SCARB2: variants seen among roughly 807,000 people sequenced by gnomAD.
The protein encoded by SCARB2 is lysosome membrane protein 2.
Under a neutral mutation model 58.6 loss-of-function variants are expected in SCARB2, and 29 were observed. That is an observed-to-expected ratio of 0.49 (90% confidence interval 0.37 to 0.67). SCARB2 has a LOEUF of 0.67. Ranked by LOEUF, SCARB2 falls within the 30% of genes least tolerant of loss-of-function variation. The pLI is 0.00. For synonymous variants in SCARB2, 195 were observed against 210.1 expected (o/e 0.93, Z 0.62); for missense variants, 488 against 578.5 (o/e 0.84, Z 1.60).
At chr4:76,173,997 C>G (rs1347846215) in intron 7 of SCARB2, 147 bp downstream of exon 7, 1 of 961,732 alleles carries the variant, frequency 1.0e-6, no homozygotes, top group Non-Finnish European at 1.6e-6. Flanking sequence ...TTGAGAACTC[C>G]TGGGCTCAAG....
intron 2 of SCARB2, among the ~76,000 whole-genome samples, chr4:76,189,275 T>A (rs553251395): frequency 6.6e-6 from 1 of 152,324 alleles, no homozygotes; most frequent in Non-Finnish European, 1.5e-5. Flanking sequence ...ACATATTTAT[T>A]AGTCTGTTCT....
chr4:76,168,298 G>T, intron 9 of SCARB2, 105 bp downstream of exon 9: 2 of 872,106 alleles, frequency 2.3e-6, no homozygotes, highest in Non-Finnish European at 4.0e-6. Flanking sequence ...GGGCAGGGGT[G>T]AGCAGGCTTA....
intron 10 of SCARB2, chr4:76,164,837 G>A (rs1351172386): frequency 6.6e-6 from 1 of 150,912 alleles, no homozygotes; most frequent in East Asian, 1.9e-4. Context: ...TCATTGGACC[G>A]AGTCAGTGGA....
intron 2 of SCARB2, among the ~76,000 whole-genome samples, chr4:76,186,412 A>G (rs1021944241): frequency 6.6e-6 from 1 of 152,102 alleles, no homozygotes; most frequent in Non-Finnish European, 1.5e-5. Context: ...CATCAACGTG[A>G]AAGGAGTACT....
At chr4:76,167,807 G>A (rs757469322) in intron 9 of SCARB2, among the ~76,000 whole-genome samples, 1 of 151,012 alleles carries the variant, frequency 6.6e-6, no homozygotes, top group Non-Finnish European at 1.5e-5. Context: ...TCAGCCTCCC[G>A]AATAGCTGGG....
chr4:76,179,059 T>TTTTTG (rs1732324474), intron 4 of SCARB2: 8 of 107,282 alleles, frequency 7.5e-5, no homozygotes, highest in Admixed American at 3.2e-4. Flanking sequence ...TTTTGTTTTT[T>TTTTTG]TTTTGGCTTT....
intron 10 of SCARB2, 98 bp downstream of exon 10, chr4:76,166,152 C>T: frequency 8.4e-7 from 1 of 1,196,486 alleles, no homozygotes. Context: ...ATCTTTTGCC[C>T]TTCTGTCATA....
At chr4:76,214,535 C>A (rs1560724610), upstream of SCARB2, 7 of 344,414 alleles carry the variant, frequency 2.0e-5, no homozygotes, top group Non-Finnish European at 1.7e-5. Flanking sequence ...GTGTTGAGGC[C>A]CCAAGAGGTC....
At chr4:76,221,150 C>T (rs965401892) in intron 1 of SCARB2, among the ~76,000 whole-genome samples, 11 of 152,180 alleles carry the variant, frequency 7.2e-5, no homozygotes, top group Non-Finnish European at 1.6e-4. Context: ...GGAAGAAAAA[C>T]CCATTGTGGC....
chr4:76,187,404 GC>G (rs1328692724), intron 2 of SCARB2, among the ~76,000 whole-genome samples: 1 of 152,180 alleles, frequency 6.6e-6, no homozygotes, highest in Non-Finnish European at 1.5e-5. Context: ...AACACAACTG[GC>G]TGGCAAACAT....
chr4:76,203,430 T>C (rs1335553621), intron 1 of SCARB2, among the ~76,000 whole-genome samples: 4 of 152,246 alleles, frequency 2.6e-5, no homozygotes, highest in Non-Finnish European at 4.4e-5. Flanking sequence ...ATCCCAATAT[T>C]GGTGTTTAAG....
rs13119254 is a variant in SCARB2 at position 76,173,990 on chromosome 4, A to G, written c.994+154T>C. 0.092 allele frequency: 79,828 copies of G among 867,248 alleles called. 5,161 individuals carry two copies. Among genetic ancestry groups the G allele is most frequent in the East Asian group, 0.23 (9,514 of 41,096 alleles). The allele number at this position is 867,248 out of a possible 1,614,324, so 53.7% of individuals were successfully genotyped here. ...CGCCATGTTGCCCAGGATGGACTTGAGAACTCCTGGGCTCAAGTGATCATC... is the reference window on the plus strand; with the variant it reads ...CGCCATGTTGCCCAGGATGGACTTGGGAACTCCTGGGCTCAAGTGATCATC... On this transcript the variant is annotated intron_variant, in intron 7 of 11. Coordinates refer to ENST00000264896, the MANE Select transcript of SCARB2 (RefSeq NM_005506.4).
At chr4:76,212,548 A>G (rs1036849700) in intron 1 of SCARB2, among the ~76,000 whole-genome samples, 2 of 152,356 alleles carry the variant, frequency 1.3e-5, no homozygotes, top group South Asian at 4.1e-4. Flanking sequence ...GCGTGCAGTT[A>G]TGGATGCTAA....
chr4:76,225,338 C>T (rs1053439806), intron 1 of SCARB2, among the ~76,000 whole-genome samples: 1 of 152,168 alleles, frequency 6.6e-6, no homozygotes, highest in Admixed American at 6.5e-5. Flanking sequence ...ATATCATCAG[C>T]GAACAGTGAC....
chr4:76,176,455 A>C lies in SCARB2; in HGVS notation c.686T>G (p.Val229Gly). The C allele has an allele frequency of 6.2e-7, 1 of 1,611,342 alleles. No individual in the cohort carries two copies. Among genetic ancestry groups the C allele is most frequent in the Non-Finnish European group, 8.5e-7 (1 of 1,178,120 alleles). ...GACTTACGTTTTCCCATTCCATTCC[A>C]CAATTTTTGTAAAGTTAAGGTAACT... Reference protein sequence around the residue: ...EDSYLNFTKIVEWNGKTSLDW... With the variant: ...EDSYLNFTKIGEWNGKTSLDW... The change falls in exon 5 of 12, where the codon GTG (valine) becomes GGG (glycine). Residue 229 changes from valine to glycine, a missense_variant. Coordinates refer to ENST00000264896, the MANE Select transcript of SCARB2 (RefSeq NM_005506.4).
Position 76,169,861 on chromosome 4 carries a change from A to G in SCARB2, c.1113+6T>C. The G allele has an allele frequency of 6.3e-7, 1 of 1,591,754 alleles. No homozygotes were observed. The highest frequency in any genetic ancestry group is 8.6e-7 in the Non-Finnish European group (1 of 1,159,694). On this transcript the variant is annotated splice_donor_region_variant and intron_variant, in intron 8 of 11. Coordinates refer to ENST00000264896, the MANE Select transcript of SCARB2 (RefSeq NM_005506.4). ...GCTCTTTTACCAGGAGGAAGTATGT[A>G]CTCACAGGATTAATGTCCACAAATG...
Position 76,179,059 on chromosome 4 carries a change from T to C in SCARB2, c.612+458A>G, listed in dbSNP as rs201081292. 10 of 107,348 alleles carry C rather than the reference T, an allele frequency of 9.3e-5. No homozygotes were observed. In the East Asian group the frequency reaches 3.3e-3, roughly 36 times the overall value. The allele number at this position is 107,348 out of a possible 1,614,324, so 6.6% of individuals were successfully genotyped here. A position where few individuals can be genotyped will look rare whatever the true frequency, so the allele number is the denominator to read the frequency against. On this transcript the variant is annotated intron_variant, in intron 4 of 11. Coordinates refer to ENST00000264896, the MANE Select transcript of SCARB2 (RefSeq NM_005506.4). ...TGTTTTTGTTTTTGTTTTTGTTTTT[T>C]TTTTGGCTTTTTTAGACAGAGTCTT...
intron 3 of SCARB2, chr4:76,180,002 T>C: frequency 2.4e-6 from 1 of 420,122 alleles, no homozygotes; most frequent in Non-Finnish European, 4.5e-6. Context: ...TGTGGGCATC[T>C]TTGGCCACAA....
intron 4 of SCARB2, 134 bp from the exon 5 acceptor site, chr4:76,176,662 A>G (rs1732257502): frequency 1.5e-6 from 1 of 652,958 alleles, no homozygotes; most frequent in South Asian, 1.8e-5. Flanking sequence ...AGGTGTGATT[A>G]ATATCTACAA....
Sources: gnomAD v4.1 joint callset for allele counts (sites outside exome capture counted in the v4.1 genomes callset) on GRCh38, gnomAD v4.1.1 for gene constraint, MANE v1.5 for transcripts, NCBI Gene and HGNC (gene_info 2026-07-23, HGNC 2026-07-21) for gene names.